The following SORCS3 variants were observed in gnomAD, a reference collection of about 807,000 sequenced individuals.
SORCS3 encodes the protein VPS10 domain-containing receptor SorCS3.
A neutral mutation model predicts 146.3 loss-of-function variants in SORCS3; 57 were observed. The ratio of observed to expected loss-of-function variants is 0.39; its 90% CI spans 0.31 to 0.49. The LOEUF (loss-of-function observed/expected upper bound fraction) is 0.49, where lower values mean the gene tolerates loss of function less well. Among genes scored for constraint, SORCS3 ranks in the 20% least tolerant of loss-of-function variants. The pLI is 0.92. For missense variants in SORCS3, 1,341 were observed against 1,575.5 expected (o/e 0.85, Z 2.52); for synonymous variants, 653 against 618.5 (o/e 1.06, Z -0.83).
chr10:104,843,136 CT>C (rs2018162688), intron 2 of SORCS3, among the ~76,000 whole-genome samples: 1 of 152,254 alleles, frequency 6.6e-6, no homozygotes, highest in South Asian at 2.1e-4. Context: ...TGGGGCCTGG[CT>C]AGAGAGATCA....
intron 3 of SORCS3, among the ~76,000 whole-genome samples, chr10:104,937,616 G>A (rs182945617): frequency 1.4e-4 from 22 of 152,296 alleles, no homozygotes; most frequent in African/African-American, 4.6e-4. Flanking sequence ...CATATGATAC[G>A]TTTTCCTTCA....
chr10:104,682,215 T>A (rs957850348), intron 1 of SORCS3, among the ~76,000 whole-genome samples: 2 of 152,250 alleles, frequency 1.3e-5, no homozygotes, highest in African/African-American at 4.8e-5. Flanking sequence ...GCAGTTTGTT[T>A]ACTTGGAAAA....
chr10:104,975,543 AGAATT>A (rs1163541867), intron 3 of SORCS3, among the ~76,000 whole-genome samples: 2 of 152,216 alleles, frequency 1.3e-5, no homozygotes, highest in African/African-American at 2.4e-5. Flanking sequence ...CTTTCTTCAC[AGAATT>A]GGAAAAAACT....
intron 1 of SORCS3, among the ~76,000 whole-genome samples, chr10:104,785,924 G>A (rs955460945): frequency 1.3e-5 from 2 of 152,196 alleles, no homozygotes; most frequent in African/African-American, 2.4e-5. Context: ...GAGAGGTAGC[G>A]CATGGACCTG....
intron 3 of SORCS3, among the ~76,000 whole-genome samples, chr10:104,961,400 T>C (rs2054794430): frequency 6.6e-6 from 1 of 152,170 alleles, no homozygotes; most frequent in Non-Finnish European, 1.5e-5. Context: ...GATCCTAATG[T>C]GGAGAAAAGA....
intron 1 of SORCS3, among the ~76,000 whole-genome samples, chr10:104,752,718 C>T (rs923273669): frequency 2.0e-5 from 3 of 152,158 alleles, no homozygotes; most frequent in African/African-American, 7.2e-5. Flanking sequence ...TCATTACTCT[C>T]ATCTGAACAT....
intron 1 of SORCS3, among the ~76,000 whole-genome samples, chr10:104,780,920 G>A (rs539701623): frequency 6.5e-4 from 99 of 152,284 alleles, no homozygotes; most frequent in Non-Finnish European, 1.3e-3. Context: ...GTAGAATATT[G>A]TTATTATTAC....
intron 1 of SORCS3, among the ~76,000 whole-genome samples, chr10:104,702,451 C>A (rs1207442754): frequency 1.3e-5 from 2 of 152,104 alleles, no homozygotes; most frequent in African/African-American, 2.4e-5. Flanking sequence ...CCATGCCTGG[C>A]AAATTTTTAT....
chr10:104,941,549 C>A (rs537429355), intron 3 of SORCS3, among the ~76,000 whole-genome samples: 1 of 152,108 alleles, frequency 6.6e-6, no homozygotes, highest in Non-Finnish European at 1.5e-5. Context: ...AGGCCACCAG[C>A]TTTGTTCCCA....
At chr10:105,019,196 T>C (rs1365583263) in intron 4 of SORCS3, among the ~76,000 whole-genome samples, 1 of 152,228 alleles carries the variant, frequency 6.6e-6, no homozygotes, top group Non-Finnish European at 1.5e-5. Flanking sequence ...TATCTGACCC[T>C]TCTTCAGAAG....
chr10:104,950,047 G>A (rs74155072), intron 3 of SORCS3, among the ~76,000 whole-genome samples: 6,613 of 152,304 alleles, frequency 0.043, 178 homozygotes, highest in East Asian at 0.14. Context: ...GATCTGAGAT[G>A]CAGAGGTAGA....
At chr10:104,725,934 G>A (rs1220008007) in intron 1 of SORCS3, among the ~76,000 whole-genome samples, 3 of 152,218 alleles carry the variant, frequency 2.0e-5, no homozygotes, top group East Asian at 1.9e-4. Context: ...CGGGTGAGGC[G>A]ATGCCTCGCC....
intron 1 of SORCS3, among the ~76,000 whole-genome samples, chr10:104,680,955 G>A (rs555317828): frequency 6.6e-6 from 1 of 152,320 alleles, no homozygotes; most frequent in South Asian, 2.1e-4. Flanking sequence ...CAGGCCCTGC[G>A]GGGAACAGAG....
At chr10:104,977,222 C>T (rs1340053) in intron 3 of SORCS3, 113 bp from the exon 4 acceptor site, 41,924 of 733,856 alleles carry the variant, frequency 0.057, 1,266 homozygotes, top group Middle Eastern at 0.074. Context: ...GGCCCAGATG[C>T]TCCTTTATGT....
intron 3 of SORCS3, among the ~76,000 whole-genome samples, chr10:104,970,781 G>A (rs1408211768): frequency 1.3e-5 from 2 of 152,046 alleles, no homozygotes; most frequent in Admixed American, 1.3e-4. Flanking sequence ...GGAAAGGACT[G>A]TGAATTTTAG....
intron 25 of SORCS3, among the ~76,000 whole-genome samples, chr10:105,259,748 T>C (rs1261553257): frequency 6.6e-6 from 1 of 152,152 alleles, no homozygotes; most frequent in Non-Finnish European, 1.5e-5. Flanking sequence ...GGGCTTTCCT[T>C]ATAGTCCAAA....
intron 1 of SORCS3, among the ~76,000 whole-genome samples, chr10:104,830,590 C>T (rs2017989366): frequency 6.6e-6 from 1 of 152,146 alleles, no homozygotes; most frequent in Non-Finnish European, 1.5e-5. Context: ...CCCTCCTCCG[C>T]CAGTCCCCAC....
rs542780077 is a variant in SORCS3, at chr10:105,102,663, C to T, written c.1094-2734C>T. On this transcript the variant is annotated intron_variant, in intron 6 of 26. Transcript: ENST00000369701. Reference sequence around the variant, plus strand: ...GCCTATGCACATGTGCATCCTGGATCTAAAATAGAAGTTGGAAAGGAAAAG... The same window carrying T: ...GCCTATGCACATGTGCATCCTGGATTTAAAATAGAAGTTGGAAAGGAAAAG... 5.7e-4 allele frequency among the ~76,000 whole-genome samples: 87 copies of T among 151,358 alleles called. 2 individuals are homozygous for T. In the South Asian group the frequency reaches 0.018, roughly 31 times the overall value.
intron 4 of SORCS3, among the ~76,000 whole-genome samples, chr10:104,987,239 GA>G (rs1049471283): frequency 6.6e-6 from 1 of 151,978 alleles, no homozygotes; most frequent in Admixed American, 6.6e-5. Flanking sequence ...GAATGAGGGA[GA>G]AAAATTATTT....
Sources: allele counts gnomAD v4.1 joint callset (sites outside exome capture counted in the v4.1 genomes callset), GRCh38; gene constraint gnomAD v4.1.1; transcripts MANE v1.5; gene names NCBI Gene and HGNC (gene_info 2026-07-23, HGNC 2026-07-21).